RBFOX3: variants seen among roughly 807,000 people sequenced by gnomAD.
RBFOX3 encodes RNA binding protein fox-1 homolog 3.
RBFOX3 carries 17 observed loss-of-function variants against 48.7 expected under a neutral mutation model. The observed-to-expected ratio is 0.35, with a 90% confidence interval of 0.24 to 0.52. The LOEUF is 0.52. Ranked by LOEUF, RBFOX3 falls within the 20% of genes least tolerant of loss-of-function variation. The probability of loss-of-function intolerance (pLI) is 0.94; values close to 1 mark genes in which losing one functional copy is unlikely to be tolerated. For missense variants in RBFOX3, 382 were observed against 497.5 expected, an observed-to-expected ratio of 0.77 and a Z score of 2.21; for synonymous variants, 212 against 209.5, an observed-to-expected ratio of 1.01 and a Z score of -0.10.
At chr17:79,293,409 CCCCT>C (rs1388233305) in intron 3 of RBFOX3, among the ~76,000 whole-genome samples, 1 of 85,338 alleles carries the variant, frequency 1.2e-5, no homozygotes, top group Admixed American at 1.3e-4. Flanking sequence ...CTCCCCTCCA[CCCCT>C]TCCTTCCTTC....
At chr17:79,196,658 T>G (rs2055645944) in intron 4 of RBFOX3, among the ~76,000 whole-genome samples, 1 of 152,214 alleles carries the variant, frequency 6.6e-6, no homozygotes, top group South Asian at 2.1e-4. Context: ...CCGGATGGAC[T>G]GCACTTGCCC....
chr17:79,476,279 C>A (rs903070892), intron 2 of RBFOX3, among the ~76,000 whole-genome samples: 1 of 152,230 alleles, frequency 6.6e-6, no homozygotes, highest in Non-Finnish European at 1.5e-5. Flanking sequence ...GGGGAACTCG[C>A]CCACAGCGCC....
At chr17:79,399,829 C>G (rs547428896) in intron 2 of RBFOX3, among the ~76,000 whole-genome samples, 1 of 152,248 alleles carries the variant, frequency 6.6e-6, no homozygotes, top group Non-Finnish European at 1.5e-5. Context: ...GTGAACGCGC[C>G]GCTGGAAAGA....
intron 4 of RBFOX3, among the ~76,000 whole-genome samples, chr17:79,121,118 C>T (rs1250141117): frequency 4.6e-5 from 7 of 152,102 alleles, no homozygotes; most frequent in Admixed American, 3.3e-4. Context: ...ACAACATCCA[C>T]ATTCACCTGC....
chr17:79,370,466 A>G (rs2058367039), intron 2 of RBFOX3, among the ~76,000 whole-genome samples: 1 of 152,096 alleles, frequency 6.6e-6, no homozygotes, highest in Non-Finnish European at 1.5e-5. Context: ...TCACATACTA[A>G]CATACACTCA....
intron 2 of RBFOX3, among the ~76,000 whole-genome samples, chr17:79,387,876 G>A (rs1334860836): frequency 6.6e-6 from 1 of 152,106 alleles, no homozygotes; most frequent in African/African-American, 2.4e-5. Context: ...TGTACAGTGT[G>A]TGTGCACATG....
At chr17:79,382,290 C>T (rs770779685) in intron 2 of RBFOX3, among the ~76,000 whole-genome samples, 44 of 152,246 alleles carry the variant, frequency 2.9e-4, no homozygotes, top group Admixed American at 1.0e-3. Flanking sequence ...GCAGCATCCA[C>T]TGCCCAGGCT....
At chr17:79,414,148 T>C (rs2064928873) in intron 2 of RBFOX3, among the ~76,000 whole-genome samples, 1 of 152,054 alleles carries the variant, frequency 6.6e-6, no homozygotes, top group African/African-American at 2.4e-5. Context: ...AGGGCCCTCC[T>C]GGAGTCCCCT....
intron 1 of RBFOX3, among the ~76,000 whole-genome samples, chr17:79,575,416 C>T (rs1164481649): frequency 2.6e-5 from 4 of 151,824 alleles, no homozygotes; most frequent in South Asian, 2.1e-4. Context: ...CACAGAGCTA[C>T]GATGGAAGTG....
At chr17:79,419,803 C>T (rs2065944497) in intron 2 of RBFOX3, among the ~76,000 whole-genome samples, 1 of 152,182 alleles carries the variant, frequency 6.6e-6, no homozygotes, top group Non-Finnish European at 1.5e-5. Context: ...TTGGCATCCT[C>T]TCCAAGAGCA....
chr17:79,129,495 C>A (rs2038244975), intron 4 of RBFOX3, among the ~76,000 whole-genome samples: 1 of 103,716 alleles, frequency 9.6e-6, no homozygotes, highest in African/African-American at 3.2e-5. Flanking sequence ...GCCCCCCAGG[C>A]TCCTGCTGAG....
chr17:79,529,203 C>G (rs936970155), intron 1 of RBFOX3, among the ~76,000 whole-genome samples: 1 of 152,178 alleles, frequency 6.6e-6, no homozygotes, highest in Non-Finnish European at 1.5e-5. Flanking sequence ...CTATAGTTAT[C>G]GCAAAACAAA....
intron 4 of RBFOX3, among the ~76,000 whole-genome samples, chr17:79,152,716 G>A (rs2044832883): frequency 6.6e-6 from 1 of 152,208 alleles, no homozygotes; most frequent in South Asian, 2.1e-4. Context: ...GGCAGACACA[G>A]CTGTGGGGGG....
At chr17:79,218,542 G>A (rs2147335066) in intron 4 of RBFOX3, among the ~76,000 whole-genome samples, 1 of 152,264 alleles carries the variant, frequency 6.6e-6, no homozygotes, top group Admixed American at 6.5e-5. Context: ...GAGAGGGGGA[G>A]TTCTGGGAGG....
rs1260150695 is a variant in RBFOX3, at chr17:79,096,636, G to A, written c.936+17C>T. 6 of 588,510 alleles carry A rather than the reference G, an allele frequency of 1.0e-5. No individual in the cohort carries two copies. Among genetic ancestry groups the A allele is most frequent in the Non-Finnish European group, 1.9e-5 (6 of 324,218 alleles). 36.5% of individuals were successfully genotyped at this position (588,510 alleles called of 1,614,324 possible). On this transcript the variant is annotated intron_variant, in intron 12 of 14. Coordinates refer to ENST00000693108, the MANE Select transcript of RBFOX3 (RefSeq NM_001350451.2). Reference sequence around the variant, plus strand: ...AACGCCTGATCCCACCCTCCCTCCCGGCGGGGCTACACTTACATAAATCTC... The same window carrying A: ...AACGCCTGATCCCACCCTCCCTCCCAGCGGGGCTACACTTACATAAATCTC...
At chr17:79,659,737 G>A in the RBFOX3 span, among the ~76,000 whole-genome samples, 1 of 152,140 alleles carries the variant, frequency 6.6e-6, no homozygotes, top group African/African-American at 2.4e-5. Flanking sequence ...CAAATAATTA[G>A]TATAGGCTCA....
intron 1 of RBFOX3, among the ~76,000 whole-genome samples, chr17:79,606,581 C>T (rs1298384563): frequency 6.6e-6 from 1 of 152,194 alleles, no homozygotes; most frequent in Non-Finnish European, 1.5e-5. Context: ...TGGTGTCAGT[C>T]TATGTGTTGG....
the RBFOX3 span, among the ~76,000 whole-genome samples, chr17:79,638,000 C>A: frequency 6.6e-6 from 1 of 151,544 alleles, no homozygotes; most frequent in Admixed American, 6.6e-5. Context: ...AACCATTGGA[C>A]AAAAGAGGAA....
At chr17:79,656,919 A>AGG in the RBFOX3 span, among the ~76,000 whole-genome samples, 58 of 151,020 alleles carry the variant, frequency 3.8e-4, no homozygotes, top group Non-Finnish European at 5.2e-4. Flanking sequence ...GAAGGAAGGA[A>AGG]AAGAAAAGAG....
Sources: gnomAD v4.1 joint callset for allele counts (sites outside exome capture counted in the v4.1 genomes callset) on GRCh38, gnomAD v4.1.1 for gene constraint, MANE v1.5 for transcripts, NCBI Gene and HGNC (gene_info 2026-07-23, HGNC 2026-07-21) for gene names.